TAFA2: variants seen among roughly 807,000 people sequenced by gnomAD.
TAFA2 encodes the protein chemokine-like protein TAFA-2.
Under a neutral mutation model 18.8 loss-of-function variants are expected in TAFA2, and 7 were observed. The ratio of observed to expected loss-of-function variants is 0.37; its 90% CI spans 0.21 to 0.70. The LOEUF (loss-of-function observed/expected upper bound fraction) is 0.70, where lower values mean the gene tolerates loss of function less well. Ranked by LOEUF, TAFA2 falls within the 30% of genes least tolerant of loss-of-function variation. TAFA2 has a pLI of 0.53. For missense variants in TAFA2, 122 were observed against 158.1 expected (o/e 0.77, Z 1.23); for synonymous variants, 60 against 54.2 (o/e 1.11, Z -0.47).
chr12:62,168,727 C>T (rs758925802), intron 1 of TAFA2, among the ~76,000 whole-genome samples: 8 of 152,040 alleles, frequency 5.3e-5, no homozygotes, highest in Admixed American at 1.3e-4. Flanking sequence ...GTCCCAAGTA[C>T]TCTGGAGGCT....
At chr12:61,931,131 T>G (rs1877537692) in intron 1 of TAFA2, among the ~76,000 whole-genome samples, 1 of 152,194 alleles carries the variant, frequency 6.6e-6, no homozygotes, top group Non-Finnish European at 1.5e-5. Context: ...CATAAATAAT[T>G]TTAGTTTTTC....
At chr12:62,043,193 G>A (rs1881810013) in intron 1 of TAFA2, among the ~76,000 whole-genome samples, 1 of 152,042 alleles carries the variant, frequency 6.6e-6, no homozygotes, top group East Asian at 1.9e-4. Flanking sequence ...ATTCACACTA[G>A]CAAAGACTTG....
At chr12:62,221,261 G>GTAA (rs1565782435) in intron 1 of TAFA2, among the ~76,000 whole-genome samples, 4 of 150,264 alleles carry the variant, frequency 2.7e-5, no homozygotes, top group Non-Finnish European at 4.4e-5. Flanking sequence ...AAGGAAGGAA[G>GTAA]GAAGTTTGAA....
intron 4 of TAFA2, among the ~76,000 whole-genome samples, chr12:61,714,247 T>C (rs1445737330): frequency 6.6e-6 from 1 of 152,178 alleles, no homozygotes; most frequent in African/African-American, 2.4e-5. Context: ...TCTCAGTAAA[T>C]TTGCCTTTCC....
intron 1 of TAFA2, among the ~76,000 whole-genome samples, chr12:62,025,417 A>G (rs1881279901): frequency 6.6e-6 from 1 of 152,196 alleles, no homozygotes; most frequent in Non-Finnish European, 1.5e-5. Flanking sequence ...AAATGTTGAA[A>G]TTTTAAAAAT....
intron 2 of TAFA2, among the ~76,000 whole-genome samples, chr12:61,779,626 T>C (rs1042104911): frequency 9.2e-5 from 14 of 151,894 alleles, no homozygotes; most frequent in Non-Finnish European, 1.5e-4. Flanking sequence ...AATTATGTTC[T>C]ATGAACTCTC....
At chr12:62,215,079 C>A (rs979620521) in intron 1 of TAFA2, among the ~76,000 whole-genome samples, 2 of 152,152 alleles carry the variant, frequency 1.3e-5, no homozygotes, top group Non-Finnish European at 2.9e-5. Context: ...AGAGAGAGTA[C>A]TAAGAAGTGA....
chr12:61,763,197 A>G (rs1263243688), intron 2 of TAFA2, among the ~76,000 whole-genome samples: 1 of 152,068 alleles, frequency 6.6e-6, no homozygotes, highest in East Asian at 1.9e-4. Context: ...GGAAACAACC[A>G]AGTGCCGATG....
chr12:61,852,270 A>G (rs1465486758), intron 2 of TAFA2, among the ~76,000 whole-genome samples: 3 of 152,044 alleles, frequency 2.0e-5, no homozygotes, highest in Admixed American at 6.5e-5. Context: ...ATGGAGGATG[A>G]TGGTCAAATG....
At chr12:61,772,160 C>G (rs1870056973) in intron 2 of TAFA2, among the ~76,000 whole-genome samples, 1 of 151,806 alleles carries the variant, frequency 6.6e-6, no homozygotes, top group Non-Finnish European at 1.5e-5. Flanking sequence ...AAATATGCAA[C>G]CCTCTAGATT....
chr12:61,931,968 C>A (rs1877573570), intron 1 of TAFA2, among the ~76,000 whole-genome samples: 1 of 152,102 alleles, frequency 6.6e-6, no homozygotes, highest in Non-Finnish European at 1.5e-5. Flanking sequence ...AAATTTTATA[C>A]CTAAGTATAA....
intron 1 of TAFA2, among the ~76,000 whole-genome samples, chr12:61,915,499 G>A (rs573982488): frequency 2.6e-4 from 39 of 152,268 alleles, no homozygotes; most frequent in African/African-American, 7.7e-4. Context: ...ATTTAAAAAC[G>A]GGGATTTATT....
At chr12:62,084,876 G>T in intron 1 of TAFA2, among the ~76,000 whole-genome samples, 1 of 152,220 alleles carries the variant, frequency 6.6e-6, no homozygotes, top group East Asian at 1.9e-4. Flanking sequence ...ATGCTGAATA[G>T]CATCAACAAG....
At chr12:61,970,969 C>T (rs1420977257) in intron 1 of TAFA2, among the ~76,000 whole-genome samples, 4 of 151,438 alleles carry the variant, frequency 2.6e-5, no homozygotes, top group Non-Finnish European at 5.9e-5. Flanking sequence ...TAATGCATAA[C>T]GTCTTATGAT....
chr12:61,724,928 T>TC (rs752208566), intron 4 of TAFA2, among the ~76,000 whole-genome samples: 9 of 145,054 alleles, frequency 6.2e-5, no homozygotes, highest in Non-Finnish European at 1.4e-4. Context: ...TAGTTTACAT[T>TC]CCCCCCAGCA....
intron 1 of TAFA2, among the ~76,000 whole-genome samples, chr12:62,040,548 C>T (rs1361688868): frequency 6.6e-6 from 1 of 152,086 alleles, no homozygotes. Context: ...AGCCAAGGAA[C>T]CTCAAGTATT....
At chr12:62,245,990 CTTTT>C (rs376867882) in intron 1 of TAFA2, among the ~76,000 whole-genome samples, 1 of 140,672 alleles carries the variant, frequency 7.1e-6, no homozygotes. Context: ...ATTGTTATTC[CTTTT>C]TTTTTTTTTT....
chr12:62,219,877 CAAGCT>C (rs535512254), intron 1 of TAFA2, among the ~76,000 whole-genome samples: 1 of 152,124 alleles, frequency 6.6e-6, no homozygotes, highest in Non-Finnish European at 1.5e-5. Flanking sequence ...AAATACTCAA[CAAGCT>C]AAGCTGTAGA....
chr12:62,004,431 T>C (rs1050417274), intron 1 of TAFA2, among the ~76,000 whole-genome samples: 1 of 152,134 alleles, frequency 6.6e-6, no homozygotes, highest in Non-Finnish European at 1.5e-5. Context: ...CTGATATTAC[T>C]AGGCAATGGC....
Sources: gnomAD v4.1 joint callset for allele counts (sites outside exome capture counted in the v4.1 genomes callset) on GRCh38, gnomAD v4.1.1 for gene constraint, MANE v1.5 for transcripts, NCBI Gene and HGNC (gene_info 2026-07-23, HGNC 2026-07-21) for gene names.